GRM7: variants seen among roughly 807,000 people sequenced by gnomAD.
GRM7 encodes metabotropic glutamate receptor 7.
In GRM7, 35 loss-of-function variants were observed where a neutral mutation model predicts 84.5. The observed-to-expected ratio is 0.41, with a 90% CI of 0.32 to 0.55. GRM7 has a LOEUF of 0.55. Among genes scored for constraint, GRM7 ranks in the 20% least tolerant of loss-of-function variants. The pLI, the probability that GRM7 is intolerant of heterozygous loss-of-function variation, is 0.19. For synonymous variants in GRM7, 487 were observed against 455.1 expected, an observed-to-expected ratio of 1.07 and a Z score of -0.89; for missense variants, 1,003 against 1,194.6, an observed-to-expected ratio of 0.84 and a Z score of 2.36.
At chr3:7,509,787 AT>A (rs922886351) in intron 7 of GRM7, among the ~76,000 whole-genome samples, 10 of 150,434 alleles carry the variant, frequency 6.6e-5, no homozygotes, top group East Asian at 3.9e-4. Context: ...AGCTGGGGAA[AT>A]TTTTTTTTTA....
At chr3:7,118,251 C>G (rs757724312) in intron 1 of GRM7, among the ~76,000 whole-genome samples, 31 of 151,498 alleles carry the variant, frequency 2.0e-4, no homozygotes, top group Non-Finnish European at 4.0e-4. Context: ...ATTAGCTGGG[C>G]ATGGTTGTAT....
intron 4 of GRM7, among the ~76,000 whole-genome samples, chr3:7,403,550 A>G (rs559925986): frequency 5.0e-4 from 74 of 149,106 alleles, no homozygotes; most frequent in African/African-American, 1.6e-3. Flanking sequence ...GATTCGGTCA[A>G]CTATGGCAAA....
intron 8 of GRM7, among the ~76,000 whole-genome samples, chr3:7,586,383 G>GT (rs1695516625): frequency 1.3e-5 from 2 of 149,072 alleles, no homozygotes; most frequent in African/African-American, 2.5e-5. Flanking sequence ...GTACATGAGG[G>GT]GTTTTTTTTT....
Position 7,495,614 on chromosome 3 carries a change from GA to G in GRM7, c.1515+33899del, listed in dbSNP as rs559130582. Reference sequence around the variant, plus strand: ...AAAAAAGAATCTCAGGGCCAGCAAGGAAAAAAAGTCCCTCTCCCGATTGCTT... The same window carrying G: ...AAAAAAGAATCTCAGGGCCAGCAAGGAAAAAAGTCCCTCTCCCGATTGCTT... On this transcript the variant is annotated intron_variant, in intron 7 of 9. Coordinates refer to ENST00000357716, the MANE Select transcript of GRM7 (RefSeq NM_000844.4). Among the ~76,000 whole-genome samples, 220 of 152,078 alleles carry G rather than the reference GA, an allele frequency of 1.4e-3. 2 individuals carry two copies. The highest frequency in any genetic ancestry group is 2.5e-3 in the Non-Finnish European group (171 of 67,962).
intron 9 of GRM7, among the ~76,000 whole-genome samples, chr3:7,697,795 C>T (rs1701075299): frequency 6.6e-6 from 1 of 152,134 alleles, no homozygotes; most frequent in South Asian, 2.1e-4. Context: ...TGTCTTGTGT[C>T]TGAGGGAGGA....
chr3:6,922,334 T>G (rs1036703964), intron 1 of GRM7, among the ~76,000 whole-genome samples: 13 of 152,208 alleles, frequency 8.5e-5, no homozygotes, highest in African/African-American at 2.4e-4. Flanking sequence ...AGTCACTTTT[T>G]TTAAGTGAAG....
At chr3:7,316,090 G>GT (rs1700572617) in intron 4 of GRM7, among the ~76,000 whole-genome samples, 1 of 150,618 alleles carries the variant, frequency 6.6e-6, no homozygotes, top group East Asian at 2.0e-4. Flanking sequence ...AGTGTACTGG[G>GT]CATAGAAAAC....
chr3:7,571,743 C>T (rs1694673179), intron 7 of GRM7, among the ~76,000 whole-genome samples: 1 of 152,186 alleles, frequency 6.6e-6, no homozygotes, highest in African/African-American at 2.4e-5. Flanking sequence ...CCCCTCTCTA[C>T]TGGTACCAGT....
intron 7 of GRM7, among the ~76,000 whole-genome samples, chr3:7,552,721 C>T (rs944397003): frequency 6.6e-6 from 1 of 152,212 alleles, no homozygotes; most frequent in African/African-American, 2.4e-5. Flanking sequence ...GGATGCAGGG[C>T]ACCAAGTCCT....
At chr3:7,107,916 G>T (rs1291599878) in intron 1 of GRM7, among the ~76,000 whole-genome samples, 1 of 152,056 alleles carries the variant, frequency 6.6e-6, no homozygotes, top group East Asian at 1.9e-4. Flanking sequence ...TGGAAAAAAA[G>T]ACGAGAAAAG....
chr3:6,980,847 C>G (rs1694171696), intron 1 of GRM7, among the ~76,000 whole-genome samples: 1 of 152,180 alleles, frequency 6.6e-6, no homozygotes, highest in Non-Finnish European at 1.5e-5. Flanking sequence ...AAGTGCGAAG[C>G]TAGAGAAATA....
At position 7,488,706 on chromosome 3, in the gene GRM7, T is replaced by C. The variant is rs903842971; in HGVS notation, c.1515+26984T>C. 2.0e-5 allele frequency among the ~76,000 whole-genome samples: 3 copies of C among 152,314 alleles called. No homozygotes were observed. The East Asian group carries it at 5.8e-4, about 29-fold the overall frequency. On this transcript the variant is annotated intron_variant, in intron 7 of 9. Coordinates refer to ENST00000357716, the MANE Select transcript of GRM7 (RefSeq NM_000844.4). ...CATGACAGAAATTATCTCTTTTCTT[T>C]ATGAATTACCCAGCCTCGGATGTTC... is the stretch of plus-strand genomic sequence containing the variant.
chr3:7,315,685 C>G (rs1277793075), intron 4 of GRM7, among the ~76,000 whole-genome samples: 1 of 152,172 alleles, frequency 6.6e-6, no homozygotes, highest in Non-Finnish European at 1.5e-5. Context: ...TTCTCAGGGC[C>G]ACTGCTAAGC....
At chr3:7,652,144 G>T (rs906987182) in intron 8 of GRM7, among the ~76,000 whole-genome samples, 2 of 152,194 alleles carry the variant, frequency 1.3e-5, no homozygotes, top group African/African-American at 4.8e-5. Context: ...ATAGTATACA[G>T]ATATTTTATC....
intron 1 of GRM7, among the ~76,000 whole-genome samples, chr3:6,957,364 G>C (rs574415513): frequency 1.2e-4 from 19 of 152,254 alleles, no homozygotes; most frequent in Non-Finnish European, 2.5e-4. Context: ...CGAAGCCCCG[G>C]TGTGATGTGT....
At chr3:7,706,803 A>G (rs1419401747) in intron 9 of GRM7, among the ~76,000 whole-genome samples, 1 of 152,148 alleles carries the variant, frequency 6.6e-6, no homozygotes. Context: ...TTTGACTGAC[A>G]CCATGTGACC....
At chr3:7,639,006 A>G (rs990166668) in intron 8 of GRM7, among the ~76,000 whole-genome samples, 1 of 152,178 alleles carries the variant, frequency 6.6e-6, no homozygotes, top group African/African-American at 2.4e-5. Flanking sequence ...ACACCCTCTC[A>G]TAGACCTGTT....
intron 1 of GRM7, among the ~76,000 whole-genome samples, chr3:7,139,516 T>C (rs1279675625): frequency 6.6e-6 from 1 of 151,970 alleles, no homozygotes; most frequent in Non-Finnish European, 1.5e-5. Context: ...ACACCTTGGA[T>C]GTTTGGAAAT....
intron 5 of GRM7, among the ~76,000 whole-genome samples, chr3:7,431,198 C>G (rs1159287720): frequency 6.6e-6 from 1 of 152,112 alleles, no homozygotes; most frequent in Non-Finnish European, 1.5e-5. Context: ...AAACTCTAGT[C>G]TGTACAATCA....
Sources: gnomAD v4.1 joint callset for allele counts (sites outside exome capture counted in the v4.1 genomes callset) on GRCh38, gnomAD v4.1.1 for gene constraint, MANE v1.5 for transcripts, NCBI Gene and HGNC (gene_info 2026-07-23, HGNC 2026-07-21) for gene names.